EVI5: variants seen among roughly 807,000 people sequenced by gnomAD.
The protein encoded by EVI5 is ecotropic viral integration site 5.
A neutral mutation model predicts 112.0 loss-of-function variants in EVI5; 73 were observed. The ratio of observed to expected loss-of-function variants is 0.65; its 90% CI spans 0.54 to 0.79. The LOEUF is 0.79. Among genes scored for constraint, EVI5 ranks in the 30% least tolerant of loss-of-function variants. The pLI is 0.00. For missense variants in EVI5, 900 were observed against 968.8 expected (o/e 0.93, Z 0.94); for synonymous variants, 305 against 319.9 (o/e 0.95, Z 0.50).
intron 1 of EVI5, among the ~76,000 whole-genome samples, chr1:92,742,965 T>C (rs1678649854): frequency 6.6e-6 from 1 of 152,186 alleles, no homozygotes; most frequent in Admixed American, 6.5e-5. Context: ...TTATTCACAA[T>C]AGCCAAAAGG....
At chr1:92,537,942 A>C (rs1416806037) in intron 19 of EVI5, among the ~76,000 whole-genome samples, 1 of 152,156 alleles carries the variant, frequency 6.6e-6, no homozygotes, top group Non-Finnish European at 1.5e-5. Context: ...ATATAATGCA[A>C]TAGTTAAAGC....
intron 1 of EVI5, among the ~76,000 whole-genome samples, chr1:92,771,773 G>A (rs28550182): frequency 0.12 from 17,394 of 151,002 alleles, 2,942 homozygotes; most frequent in African/African-American, 0.37. Flanking sequence ...ACGCCTGCCC[G>A]GAATACATCA....
intron 14 of EVI5, among the ~76,000 whole-genome samples, chr1:92,634,536 CT>C (rs1658295301): frequency 1.3e-5 from 2 of 152,162 alleles, no homozygotes; most frequent in African/African-American, 4.8e-5. Context: ...CCATCAGGTC[CT>C]TTAAGGACTT....
At chr1:92,606,088 G>T (rs1650312800) in intron 17 of EVI5, among the ~76,000 whole-genome samples, 1 of 152,158 alleles carries the variant, frequency 6.6e-6, no homozygotes, top group East Asian at 1.9e-4. Flanking sequence ...AAACACAGGG[G>T]AGATATCAGA....
At chr1:92,549,133 C>T (rs1666329539) in intron 19 of EVI5, among the ~76,000 whole-genome samples, 2 of 152,100 alleles carry the variant, frequency 1.3e-5, no homozygotes, top group Non-Finnish European at 2.9e-5. Context: ...CAGCATGGTA[C>T]TGGTACCAAA....
At chr1:92,714,644 T>C (rs546025102) in intron 2 of EVI5, among the ~76,000 whole-genome samples, 6 of 152,312 alleles carry the variant, frequency 3.9e-5, no homozygotes, top group South Asian at 2.1e-4. Flanking sequence ...GGCTGGAGTA[T>C]AGTAATGTGA....
chr1:92,700,803 A>C (rs1236416030), intron 5 of EVI5: 1 of 152,216 alleles, frequency 6.6e-6, no homozygotes, highest in Non-Finnish European at 1.5e-5. Flanking sequence ...CTAGACTGAT[A>C]ATAAGGATGT....
At chr1:92,688,672 A>G (rs933524964) in intron 9 of EVI5, among the ~76,000 whole-genome samples, 7 of 152,220 alleles carry the variant, frequency 4.6e-5, no homozygotes, top group African/African-American at 1.7e-4. Flanking sequence ...AGGAAAGACT[A>G]TAGATAGAAA....
At chr1:92,530,554 G>A (rs769523720) in intron 19 of EVI5, among the ~76,000 whole-genome samples, 18 of 152,030 alleles carry the variant, frequency 1.2e-4, no homozygotes, top group Non-Finnish European at 2.5e-4. Context: ...CTAGCATCTG[G>A]CAGGTGCCCC....
chr1:92,555,848 CAAAAAAA>C (rs148221183), intron 19 of EVI5, among the ~76,000 whole-genome samples: 1 of 94,146 alleles, frequency 1.1e-5, no homozygotes. Context: ...AAACTCGTCT[CAAAAAAA>C]AAAAAAAAAA....
At chr1:92,515,627 A>C (rs929822563) in intron 19 of EVI5, among the ~76,000 whole-genome samples, 7 of 152,180 alleles carry the variant, frequency 4.6e-5, no homozygotes, top group African/African-American at 1.7e-4. Flanking sequence ...CACGTCTCCT[A>C]CCCTCATCCT....
chr1:92,582,605 A>T (rs1461688448), intron 18 of EVI5, among the ~76,000 whole-genome samples: 2 of 152,204 alleles, frequency 1.3e-5, no homozygotes, highest in Non-Finnish European at 2.9e-5. Flanking sequence ...CTAACTGGTG[A>T]AGGAGAATGC....
chr1:92,544,006 A>G (rs550505767), intron 19 of EVI5, among the ~76,000 whole-genome samples: 2 of 152,354 alleles, frequency 1.3e-5, no homozygotes, highest in African/African-American at 4.8e-5. Context: ...AATAAATAAA[A>G]GCACTGACAC....
chr1:92,769,953 T>C (rs997529782), intron 1 of EVI5, among the ~76,000 whole-genome samples: 1 of 152,104 alleles, frequency 6.6e-6, no homozygotes, highest in Non-Finnish European at 1.5e-5. Flanking sequence ...ACTGATATAA[T>C]CACATAAGTC....
At chr1:92,762,978 A>C (rs772603753) in intron 1 of EVI5, among the ~76,000 whole-genome samples, 6 of 152,188 alleles carry the variant, frequency 3.9e-5, no homozygotes, top group Non-Finnish European at 7.3e-5. Context: ...AAAAATAAAA[A>C]AAAGGGGCTG....
In EVI5 at chr1:92,552,298, C is replaced by T. The variant is rs139078100; in HGVS notation, c.2166+11344G>A. 7.6e-4 allele frequency among the ~76,000 whole-genome samples: 115 copies of T among 152,216 alleles called. 2 individuals carry two copies. In the East Asian group the frequency reaches 0.02, roughly 27 times the overall value. ...GGCTGAATAAGATAATCTTTGCTGTCAAGAAATTCACAATTCAGCTTGACT... is the reference window on the plus strand; with the variant it reads ...GGCTGAATAAGATAATCTTTGCTGTTAAGAAATTCACAATTCAGCTTGACT... On this transcript the variant is annotated intron_variant, in intron 19 of 19. Coordinates refer to ENST00000684568, the MANE Select transcript of EVI5 (RefSeq NM_001350197.2).
chr1:92,785,180 G>T (rs563527050), upstream of EVI5: 2 of 851,080 alleles, frequency 2.3e-6, no homozygotes, highest in Non-Finnish European at 2.8e-6. Context: ...AGCAGGTTAG[G>T]GGCCGGGCGG....
chr1:92,779,214 G>T (rs1264725956), intron 1 of EVI5, among the ~76,000 whole-genome samples: 1 of 152,096 alleles, frequency 6.6e-6, no homozygotes, highest in Non-Finnish European at 1.5e-5. Flanking sequence ...TAACTTGGAA[G>T]AAACTATGCA....
At chr1:92,597,171 A>C (rs559277768) in intron 18 of EVI5, among the ~76,000 whole-genome samples, 14 of 152,296 alleles carry the variant, frequency 9.2e-5, no homozygotes, top group African/African-American at 3.1e-4. Context: ...AAAAAGACAA[A>C]AAGTTGGGAC....
Sources: gnomAD v4.1 joint callset for allele counts (sites outside exome capture counted in the v4.1 genomes callset) on GRCh38, gnomAD v4.1.1 for gene constraint, MANE v1.5 for transcripts, NCBI Gene and HGNC (gene_info 2026-07-23, HGNC 2026-07-21) for gene names.